The following ACO1 variants were observed in gnomAD, a reference collection of about 807,000 sequenced individuals.
ACO1 encodes cytoplasmic aconitate hydratase.
In ACO1, 78 loss-of-function variants were observed where a neutral mutation model predicts 105.1. The observed-to-expected ratio is 0.74, with a 90% CI of 0.62 to 0.90. ACO1 has a LOEUF of 0.90. ACO1 is among the 40% of genes least tolerant of loss of function. The pLI, the probability that ACO1 is intolerant of heterozygous loss-of-function variation, is 0.00. For missense variants in ACO1, 965 were observed against 1,111.1 expected (o/e 0.87, Z 1.87); for synonymous variants, 364 against 397.4 (o/e 0.92, Z 1.00).
rs984830034 is a variant in ACO1 at position 32,451,290 on chromosome 9, ACT to A, written c.*1182_*1183del. 2.0e-5 allele frequency: 3 copies of A among 151,766 alleles called. No individual in the cohort carries two copies. The highest frequency in any genetic ancestry group is 7.3e-5 in the African/African-American group (3 of 41,272). 9.4% of individuals were successfully genotyped at this position (151,766 alleles called of 1,614,324 possible). A position where few individuals can be genotyped will look rare whatever the true frequency, so the allele number is the denominator to read the frequency against. ...AGCCACTTCATTTTCTGGTGAGGAC[ACT>A]CTTCCTGGTTTACAGATGGCCACCT... On this transcript the variant is annotated 3_prime_UTR_variant, in exon 21 of 21. Coordinates refer to ENST00000309951, the MANE Select transcript of ACO1 (RefSeq NM_002197.3).
intron 4 of ACO1, among the ~76,000 whole-genome samples, chr9:32,412,598 A>G (rs1821763285): frequency 6.6e-6 from 1 of 152,176 alleles, no homozygotes. Context: ...CCCTGAATTG[A>G]TGGTACTTGG....
intron 1 of ACO1, among the ~76,000 whole-genome samples, chr9:32,402,344 A>G (rs1821515823): frequency 6.6e-6 from 1 of 152,198 alleles, no homozygotes; most frequent in East Asian, 1.9e-4. Context: ...ATATTTAGAT[A>G]CTCTGCCATC....
At chr9:32,434,275 G>A (rs1229421713) in intron 16 of ACO1, among the ~76,000 whole-genome samples, 1 of 152,236 alleles carries the variant, frequency 6.6e-6, no homozygotes, top group Non-Finnish European at 1.5e-5. Flanking sequence ...AGGAGTTCTA[G>A]GGATGTGAAG....
intron 4 of ACO1, among the ~76,000 whole-genome samples, chr9:32,410,382 C>T (rs907932838): frequency 2.0e-5 from 3 of 151,992 alleles, no homozygotes; most frequent in African/African-American, 7.3e-5. Context: ...CATGTTGAAA[C>T]CCCATCTCTA....
Position 32,421,980 on chromosome 9 carries a change from T to C in ACO1, c.970+953T>C, listed in dbSNP as rs1821985229. Among the ~76,000 whole-genome samples the C allele has an allele frequency of 5.3e-5, 8 of 152,334 alleles. No individual in the cohort carries two copies. The South Asian group carries it at 1.7e-3, about 32-fold the overall frequency. On this transcript the variant is annotated intron_variant, in intron 8 of 20. Coordinates refer to ENST00000309951, the MANE Select transcript of ACO1 (RefSeq NM_002197.3). ...AAAGATTGTCATGAAAAAGTTTATT[T>C]AAAGAAGTTTTTATTAAATATAAAC...
At chr9:32,406,432 G>A (rs892831941) in intron 2 of ACO1, among the ~76,000 whole-genome samples, 1 of 152,152 alleles carries the variant, frequency 6.6e-6, no homozygotes, top group Non-Finnish European at 1.5e-5. Context: ...ACTAGCCTGG[G>A]CAACATAGCA....
At chr9:32,404,057 T>C (rs1345863369) in intron 1 of ACO1, among the ~76,000 whole-genome samples, 2 of 152,102 alleles carry the variant, frequency 1.3e-5, no homozygotes, top group Non-Finnish European at 2.9e-5. Flanking sequence ...GCAGATAAGC[T>C]AGCAGGTTTC....
At chr9:32,424,713 C>G (rs1293111193) in intron 10 of ACO1, 48 bp downstream of exon 10, 2 of 1,293,582 alleles carry the variant, frequency 1.5e-6, no homozygotes, top group Admixed American at 1.9e-5. Context: ...CTACCTCTTG[C>G]CTGGTTACTC....
At chr9:32,432,267 A>ATG (rs1249378591) in intron 15 of ACO1, among the ~76,000 whole-genome samples, 3 of 152,248 alleles carry the variant, frequency 2.0e-5, no homozygotes, top group African/African-American at 7.2e-5. Flanking sequence ...AAGGCCACTC[A>ATG]GTAGGAAGTG....
intron 4 of ACO1, among the ~76,000 whole-genome samples, chr9:32,409,368 A>T (rs1821684697): frequency 6.6e-6 from 1 of 152,156 alleles, no homozygotes; most frequent in South Asian, 2.1e-4. Context: ...AATATCCTAA[A>T]TTGAGTGACC....
chr9:32,448,764 C>A (rs181106158), intron 19 of ACO1, 132 bp from the exon 20 acceptor site: 2 of 894,602 alleles, frequency 2.2e-6, no homozygotes, highest in Non-Finnish European at 3.6e-6. Context: ...CTGTGTCAGT[C>A]TCACTGGGAG....
rs1821629206 is a variant in ACO1, at chr9:32,407,141, C to A, written c.98-120C>A. ...ATTTTAAACTGTTGGTCACTTTACC[C>A]TCTTTCCTTGTGGAAGAATAGTCTG... On this transcript the variant is annotated intron_variant, in intron 2 of 20. Coordinates refer to ENST00000309951, the MANE Select transcript of ACO1 (RefSeq NM_002197.3). 5 of 928,622 alleles carry A rather than the reference C, an allele frequency of 5.4e-6. No individual in the cohort carries two copies. In the East Asian group the frequency reaches 1.2e-4, roughly 22 times the overall value. The allele number at this position is 928,622 out of a possible 1,614,324, so 57.5% of individuals were successfully genotyped here. A position where few individuals can be genotyped will look rare whatever the true frequency, so the allele number is the denominator to read the frequency against.
Position 32,420,928 on chromosome 9 carries a change from G to A in ACO1, c.871G>A (p.Ala291Thr), listed in dbSNP as rs1821959417. The A allele has an allele frequency of 6.2e-7, 1 of 1,614,110 alleles. No individual in the cohort carries two copies. Among genetic ancestry groups the A allele is most frequent in the Non-Finnish European group, 8.5e-7 (1 of 1,179,972 alleles). The change falls in exon 8 of 21, where the codon GCT (alanine) becomes ACT (threonine). Residue 291 changes from alanine (A) to threonine (T), a missense_variant. Ala to Thr is a moderately conservative substitution (Grantham distance 58). Transcript: ENST00000309951. ...GCCTGGAGTAGCCCAGTTGTCCATT[G>A]CTGACCGAGCTACGATTGCTAACAT... ...FGPGVAQLSI[A>T]DRATIANMCP...
At chr9:32,412,956 T>TA (rs1223723104) in intron 4 of ACO1, among the ~76,000 whole-genome samples, 1 of 152,152 alleles carries the variant, frequency 6.6e-6, no homozygotes, top group Non-Finnish European at 1.5e-5. Context: ...TAAACTCTAT[T>TA]GACTCAAAAT....
At chr9:32,388,367 A>G (rs966594884) in intron 1 of ACO1, among the ~76,000 whole-genome samples, 1 of 152,230 alleles carries the variant, frequency 6.6e-6, no homozygotes, top group African/African-American at 2.4e-5. Flanking sequence ...CATCTCTACC[A>G]AAAATACAGA....
chr9:32,389,335 G>A (rs1821217446), intron 1 of ACO1, among the ~76,000 whole-genome samples: 1 of 152,088 alleles, frequency 6.6e-6, no homozygotes, highest in South Asian at 2.1e-4. Context: ...TAGCTTATCG[G>A]GGTTTTCAAG....
chr9:32,388,930 T>A (rs958563044), intron 1 of ACO1, among the ~76,000 whole-genome samples: 1 of 151,892 alleles, frequency 6.6e-6, no homozygotes, highest in Non-Finnish European at 1.5e-5. Context: ...CTCCCCCAAT[T>A]AAAAAAAACT....
At chr9:32,410,215 T>C (rs1376239700) in intron 4 of ACO1, among the ~76,000 whole-genome samples, 1 of 152,030 alleles carries the variant, frequency 6.6e-6, no homozygotes, top group African/African-American at 2.4e-5. Context: ...GCATAGAAAA[T>C]AGTAGAATCT....
rs1822048547 is a variant in ACO1, at chr9:32,424,683, G to A, written c.1188+18G>A. 6.4e-7 allele frequency: 1 copy of A among 1,560,262 alleles called. No homozygotes were observed. The highest frequency in any genetic ancestry group is 8.8e-7 in the Non-Finnish European group (1 of 1,132,758). On this transcript the variant is annotated intron_variant, in intron 10 of 20. Transcript: ENST00000309951. Reference sequence around the variant, plus strand: ...GAGCCAAGGTAGGGGCCTGCGGGAAGAGGTTGAATCCTCTCAACTCTACCT... The same window carrying A: ...GAGCCAAGGTAGGGGCCTGCGGGAAAAGGTTGAATCCTCTCAACTCTACCT...
Sources: gnomAD v4.1 joint callset for allele counts (sites outside exome capture counted in the v4.1 genomes callset) on GRCh38, gnomAD v4.1.1 for gene constraint, MANE v1.5 for transcripts, NCBI Gene and HGNC (gene_info 2026-07-23, HGNC 2026-07-21) for gene names.